EPHB1: variants seen among roughly 807,000 people sequenced by gnomAD.
EPHB1 encodes the protein EPH receptor B1.
In EPHB1, 30 loss-of-function variants were observed where a neutral mutation model predicts 94.4. The ratio of observed to expected loss-of-function variants is 0.32; its 90% CI spans 0.24 to 0.43. The LOEUF is 0.43. Ranked by LOEUF, EPHB1 falls within the 20% of genes least tolerant of loss-of-function variation. The probability of loss-of-function intolerance (pLI) is 1.00; values close to 1 mark genes in which losing one functional copy is unlikely to be tolerated. For synonymous variants in EPHB1, 522 were observed against 489.1 expected, an observed-to-expected ratio of 1.07 and a Z score of -0.89; for missense variants, 1,055 against 1,308.3, an observed-to-expected ratio of 0.81 and a Z score of 2.99.
At chr3:135,213,020 TCAC>T (rs1319523591) in intron 12 of EPHB1, among the ~76,000 whole-genome samples, 1 of 152,220 alleles carries the variant, frequency 6.6e-6, no homozygotes, top group African/African-American at 2.4e-5. Flanking sequence ...CTTTTTAACA[TCAC>T]CATCTTCTAA....
rs564780946 is a variant in EPHB1 at position 134,832,002 on chromosome 3, G to A, written c.58+36313G>A. Among the ~76,000 whole-genome samples, 8 of 152,328 alleles carry A rather than the reference G, an allele frequency of 5.3e-5. No homozygotes were observed. In the South Asian group the frequency reaches 1.7e-3, roughly 32 times the overall value. ...AGCGGCATTGTTCAGTGTCATGGCA[G>A]GGTGGGGTTGCTGGATAAAATACAG... On this transcript the variant is annotated intron_variant, in intron 1 of 15. Coordinates refer to ENST00000398015, the MANE Select transcript of EPHB1 (RefSeq NM_004441.5).
intron 3 of EPHB1, among the ~76,000 whole-genome samples, chr3:135,058,925 T>C (rs1937419051): frequency 6.6e-6 from 1 of 152,156 alleles, no homozygotes; most frequent in African/African-American, 2.4e-5. Flanking sequence ...TAATTTGCCA[T>C]AGGAAGATTT....
chr3:134,824,234 C>T (rs968477266), intron 1 of EPHB1, among the ~76,000 whole-genome samples: 6 of 142,552 alleles, frequency 4.2e-5, no homozygotes, highest in Non-Finnish European at 7.5e-5. Context: ...ATTGATATGG[C>T]GTATCAGGGT....
intron 15 of EPHB1, among the ~76,000 whole-genome samples, chr3:135,252,664 C>T (rs1377988947): frequency 4.1e-5 from 6 of 144,594 alleles, no homozygotes; most frequent in Non-Finnish European, 7.6e-5. Context: ...TGAATAATGC[C>T]ACAATAAACA....
At chr3:135,122,958 A>C (rs528107017) in intron 4 of EPHB1, among the ~76,000 whole-genome samples, 1 of 152,328 alleles carries the variant, frequency 6.6e-6, no homozygotes, top group Non-Finnish European at 1.5e-5. Context: ...CTCGCTTAGC[A>C]TAGTCCTGGA....
intron 1 of EPHB1, among the ~76,000 whole-genome samples, chr3:134,877,707 C>A (rs865917939): frequency 5.9e-5 from 9 of 152,158 alleles, no homozygotes; most frequent in South Asian, 2.1e-4. Context: ...ATGTGCTTTC[C>A]TGGTTGGGAA....
intron 2 of EPHB1, among the ~76,000 whole-genome samples, chr3:134,946,348 C>G (rs2039217005): frequency 6.6e-6 from 1 of 152,242 alleles, no homozygotes; most frequent in Admixed American, 6.5e-5. Flanking sequence ...TCATCTTCCT[C>G]TCAGTCCTGT....
intron 1 of EPHB1, among the ~76,000 whole-genome samples, chr3:134,829,450 C>G (rs1368484015): frequency 5.3e-5 from 8 of 152,068 alleles, no homozygotes; most frequent in Non-Finnish European, 2.9e-5. Context: ...CTTTTAGAAC[C>G]CTGCGTCTCT....
At chr3:134,926,786 G>T (rs1329472786) in intron 2 of EPHB1, among the ~76,000 whole-genome samples, 1 of 152,218 alleles carries the variant, frequency 6.6e-6, no homozygotes, top group African/African-American at 2.4e-5. Context: ...CTTGTTGACA[G>T]GATTGTCGAG....
At chr3:135,160,168 G>T (rs1941466417) in intron 6 of EPHB1, among the ~76,000 whole-genome samples, 1 of 152,132 alleles carries the variant, frequency 6.6e-6, no homozygotes, top group African/African-American at 2.4e-5. Flanking sequence ...CCATGCCTTT[G>T]TACCTGCAGC....
At chr3:135,014,309 C>G (rs1935720022) in intron 3 of EPHB1, among the ~76,000 whole-genome samples, 1 of 152,184 alleles carries the variant, frequency 6.6e-6, no homozygotes, top group Admixed American at 6.5e-5. Flanking sequence ...CACTCAGTCC[C>G]TGTGGTGTGG....
intron 12 of EPHB1, among the ~76,000 whole-genome samples, chr3:135,220,904 T>G (rs952845267): frequency 6.6e-6 from 1 of 152,146 alleles, no homozygotes; most frequent in African/African-American, 2.4e-5. Context: ...CTCTTAGAGG[T>G]GCATGTTTTG....
intron 12 of EPHB1, among the ~76,000 whole-genome samples, chr3:135,208,679 T>C (rs551239296): frequency 1.3e-5 from 2 of 152,226 alleles, no homozygotes; most frequent in East Asian, 1.9e-4. Context: ...GGTATAAATA[T>C]GGAAAGCATA....
At chr3:135,251,052 A>ATTATT (rs1933065290) in intron 15 of EPHB1, among the ~76,000 whole-genome samples, 1 of 142,610 alleles carries the variant, frequency 7.0e-6, no homozygotes, top group Non-Finnish European at 1.5e-5. Context: ...TCTGAGGTCT[A>ATTATT]TTTTTTTTTT....
chr3:135,040,847 T>C (rs1316222270), intron 3 of EPHB1, among the ~76,000 whole-genome samples: 1 of 152,184 alleles, frequency 6.6e-6, no homozygotes, highest in Non-Finnish European at 1.5e-5. Flanking sequence ...GAGGAGGAGA[T>C]AGAGGAAGTG....
intron 1 of EPHB1, among the ~76,000 whole-genome samples, chr3:134,840,006 G>T (rs1164082323): frequency 6.6e-6 from 1 of 152,146 alleles, no homozygotes; most frequent in African/African-American, 2.4e-5. Flanking sequence ...ATTTATTTAT[G>T]GGGACACATT....
intron 1 of EPHB1, among the ~76,000 whole-genome samples, chr3:134,836,323 G>A (rs1167057341): frequency 6.6e-6 from 1 of 152,160 alleles, no homozygotes; most frequent in African/African-American, 2.4e-5. Flanking sequence ...TAAACTCCTT[G>A]TTTTCCATAA....
intron 1 of EPHB1, among the ~76,000 whole-genome samples, chr3:134,823,362 G>A (rs148060096): frequency 6.6e-6 from 1 of 152,284 alleles, no homozygotes; most frequent in Non-Finnish European, 1.5e-5. Context: ...CCATGTCATC[G>A]TGGTCCCCTC....
At chr3:135,011,425 T>C (rs922831248) in intron 3 of EPHB1, among the ~76,000 whole-genome samples, 1 of 152,192 alleles carries the variant, frequency 6.6e-6, no homozygotes, top group African/African-American at 2.4e-5. Flanking sequence ...CAAGAAGCCT[T>C]TCTTCTGTGT....
Sources: gnomAD v4.1 joint callset for allele counts (sites outside exome capture counted in the v4.1 genomes callset) on GRCh38, gnomAD v4.1.1 for gene constraint, MANE v1.5 for transcripts, NCBI Gene and HGNC (gene_info 2026-07-23, HGNC 2026-07-21) for gene names.